DLG1: variants seen among roughly 807,000 people sequenced by gnomAD.
DLG1 encodes discs large MAGUK scaffold protein 1.
A neutral mutation model predicts 123.4 loss-of-function variants in DLG1; 42 were observed. The ratio of observed to expected loss-of-function variants is 0.34; its 90% CI spans 0.27 to 0.44. The LOEUF is 0.44. Among genes scored for constraint, DLG1 ranks in the 20% least tolerant of loss-of-function variants. The pLI is 1.00. For missense variants in DLG1, 942 were observed against 1,082.6 expected (o/e 0.87, Z 1.82); for synonymous variants, 317 against 356.2 (o/e 0.89, Z 1.24).
chr3:197,129,989 A>C (rs749974660), intron 11 of DLG1, among the ~76,000 whole-genome samples: 1 of 152,236 alleles, frequency 6.6e-6, no homozygotes, highest in Non-Finnish European at 1.5e-5. Flanking sequence ...GAGATTTACC[A>C]AAATGTGACA....
chr3:197,296,960 G>GGGC (rs1579621158), intron 2 of DLG1: 1 of 553,162 alleles, frequency 1.8e-6, no homozygotes, highest in South Asian at 2.2e-5. Context: ...TGTTGGGGGG[G>GGGC]GGCTAACTGC....
intron 11 of DLG1, among the ~76,000 whole-genome samples, chr3:197,126,479 A>C (rs1779181422): frequency 1.3e-5 from 2 of 152,018 alleles, no homozygotes; most frequent in African/African-American, 4.8e-5. Context: ...AAAAAAAAAA[A>C]CAACATAATC....
intron 12 of DLG1, among the ~76,000 whole-genome samples, chr3:197,118,794 T>C (rs1289094401): frequency 3.9e-5 from 6 of 152,154 alleles, no homozygotes; most frequent in Admixed American, 2.0e-4. Flanking sequence ...TAATTTTAGA[T>C]GAAAGTAAAT....
intron 4 of DLG1, among the ~76,000 whole-genome samples, chr3:197,260,735 T>C (rs1438211422): frequency 5.1e-5 from 4 of 79,054 alleles, no homozygotes; most frequent in Admixed American, 4.1e-4. Flanking sequence ...GTTTGGATAC[T>C]CAAATGACAA....
chr3:197,210,225 G>C (rs1730610548), intron 4 of DLG1, among the ~76,000 whole-genome samples: 1 of 137,516 alleles, frequency 7.3e-6, no homozygotes, highest in Non-Finnish European at 1.6e-5. Context: ...ACTGACCTAA[G>C]GATCCACCTT....
chr3:197,149,764 A>C lies in DLG1; in HGVS notation c.516T>G (p.Asp172Glu). The change falls in exon 6 of 25, where the codon GAT becomes GAG. Residue 172 changes from aspartate to glutamate, a missense_variant. Physicochemically the swap from Asp to Glu is conservative, Grantham distance 45. Transcript: ENST00000667157. ...TTACGTAAGTTGGTGTTTCCAAGCT[A>C]TCTGTGTTGACCAGTACTGGGGGAG... ...ANPPPVLVNTDSLETPTYVNG... is the reference protein window; with the variant it reads ...ANPPPVLVNTESLETPTYVNG... 1 of 1,602,602 alleles carries C rather than the reference A, an allele frequency of 6.2e-7. No homozygotes were observed. The highest frequency in any genetic ancestry group is 8.5e-7 in the Non-Finnish European group (1 of 1,170,446).
intron 6 of DLG1, among the ~76,000 whole-genome samples, chr3:197,145,426 CTCTAT>C (rs1402684815): frequency 2.6e-5 from 4 of 152,066 alleles, no homozygotes; most frequent in African/African-American, 7.2e-5. Context: ...TTTATGCTTA[CTCTAT>C]TCTATTTTTA....
intron 22 of DLG1, among the ~76,000 whole-genome samples, chr3:197,064,195 ATTT>A (rs58846947): frequency 4.3e-5 from 5 of 116,030 alleles, no homozygotes; most frequent in African/African-American, 9.8e-5. Flanking sequence ...GCCTGGCCTT[ATTT>A]TTTTTTTTTT....
In DLG1 at chr3:197,051,004, A is replaced by C. The variant is rs545760616; in HGVS notation, c.2575+573T>G. 4.6e-5 allele frequency among the ~76,000 whole-genome samples: 7 copies of C among 152,352 alleles called. No homozygotes were observed. The South Asian group carries it at 8.3e-4, about 18-fold the overall frequency. ...AGTTTCATAGAAGAAATGAAATCTAAATCTATTTTTCTCTGGTCAAGTATG... is the reference window on the plus strand; with the variant it reads ...AGTTTCATAGAAGAAATGAAATCTACATCTATTTTTCTCTGGTCAAGTATG... On this transcript the variant is annotated intron_variant, in intron 24 of 24. Coordinates refer to ENST00000667157, the MANE Select transcript of DLG1 (RefSeq NM_001366207.1).
chr3:197,089,999 G>A (rs575722241), intron 15 of DLG1, among the ~76,000 whole-genome samples: 14 of 152,278 alleles, frequency 9.2e-5, no homozygotes, highest in African/African-American at 3.4e-4. Context: ...TGTGAAGACA[G>A]TAAGTCATAT....
chr3:197,289,168 T>G (rs922562877), intron 3 of DLG1, among the ~76,000 whole-genome samples: 5 of 152,238 alleles, frequency 3.3e-5, no homozygotes, highest in Non-Finnish European at 7.3e-5. Context: ...GTGCTGTAAT[T>G]AACAAGAGCT....
intron 10 of DLG1, among the ~76,000 whole-genome samples, chr3:197,134,521 G>A (rs1316748773): frequency 2.1e-5 from 3 of 142,452 alleles, no homozygotes; most frequent in Admixed American, 7.0e-5. Context: ...TTAAAAACCA[G>A]TACTTGCTAG....
chr3:197,148,411 GAAA>G (rs780479244), intron 6 of DLG1, among the ~76,000 whole-genome samples: 1 of 42,894 alleles, frequency 2.3e-5, no homozygotes. Context: ...ACTGTCTCAA[GAAA>G]AAAAAAAAAA....
At chr3:197,121,415 C>T (rs542377832) in intron 11 of DLG1, among the ~76,000 whole-genome samples, 2 of 151,980 alleles carry the variant, frequency 1.3e-5, no homozygotes, top group South Asian at 4.2e-4. Context: ...AGTAGAAGAG[C>T]TTGAAGTGAG....
intron 17 of DLG1, among the ~76,000 whole-genome samples, chr3:197,080,213 G>A (rs1750000238): frequency 6.9e-6 from 1 of 145,636 alleles, no homozygotes. Context: ...GACTTAAAGT[G>A]AAGGAAAAAT....
intron 15 of DLG1, among the ~76,000 whole-genome samples, chr3:197,088,857 G>A (rs985751825): frequency 6.6e-5 from 10 of 152,176 alleles, no homozygotes; most frequent in Admixed American, 3.3e-4. Flanking sequence ...GAAGAAAGGA[G>A]GCAGCTCATA....
chr3:197,243,405 T>C (rs947933380), intron 4 of DLG1, among the ~76,000 whole-genome samples: 6 of 152,196 alleles, frequency 3.9e-5, no homozygotes, highest in African/African-American at 1.4e-4. Context: ...TTTTCCCCTC[T>C]TGAATTTACA....
chr3:197,151,333 T>C (rs1049412091), intron 5 of DLG1, among the ~76,000 whole-genome samples: 9 of 152,214 alleles, frequency 5.9e-5, no homozygotes, highest in Non-Finnish European at 1.2e-4. Flanking sequence ...TGGAAAAAGT[T>C]GGTTTTTATC....
intron 23 of DLG1, among the ~76,000 whole-genome samples, chr3:197,053,441 T>G (rs954313064): frequency 1.3e-5 from 2 of 152,202 alleles, no homozygotes; most frequent in Non-Finnish European, 2.9e-5. Context: ...CTTCAGTGTT[T>G]TGAACCCACT....
Sources: allele counts gnomAD v4.1 joint callset (sites outside exome capture counted in the v4.1 genomes callset), GRCh38; gene constraint gnomAD v4.1.1; transcripts MANE v1.5; gene names NCBI Gene and HGNC (gene_info 2026-07-23, HGNC 2026-07-21).